The following DPY19L3 variants were observed in gnomAD, a reference collection of about 807,000 sequenced individuals.
DPY19L3 encodes protein C-mannosyl-transferase DPY19L3.
Under a neutral mutation model 92.3 loss-of-function variants are expected in DPY19L3, and 51 were observed. The observed-to-expected ratio is 0.55, with a 90% confidence interval of 0.44 to 0.70. The LOEUF is 0.70. Ranked by LOEUF, DPY19L3 falls within the 30% of genes least tolerant of loss-of-function variation. DPY19L3 has a pLI of 0.00. For synonymous variants in DPY19L3, 309 were observed against 315.2 expected, an observed-to-expected ratio of 0.98 and a Z score of 0.21; for missense variants, 706 against 855.9, an observed-to-expected ratio of 0.82 and a Z score of 2.18.
At position 32,446,142 on chromosome 19, in the gene DPY19L3, A is replaced by G. The variant is rs1568342697; in HGVS notation, c.855+6232A>G. 2.0e-5 allele frequency among the ~76,000 whole-genome samples: 3 copies of G among 152,340 alleles called. No homozygotes were observed. In the South Asian group the frequency reaches 6.2e-4, roughly 32 times the overall value. On this transcript the variant is annotated intron_variant, in intron 8 of 18. Transcript: ENST00000392250. ...AATGGAGGTTAGGGTTCTATGCCTC[A>G]CTCAAACAGTTAAAATGTCTATACC... is the stretch of plus-strand genomic sequence containing the variant.
intron 10 of DPY19L3, among the ~76,000 whole-genome samples, chr19:32,455,780 C>T (rs1311579028): frequency 1.3e-5 from 2 of 152,160 alleles, no homozygotes; most frequent in Non-Finnish European, 2.9e-5. Flanking sequence ...GCCCCAGGGG[C>T]TCTGCTTAGT....
Position 32,485,520 on chromosome 19 carries a change from A to G in DPY19L3, c.*3280A>G, listed in dbSNP as rs895000971. ...CAGTTAACTAAAAGTAAAAATGTCT[A>G]TTCTGATTCCATATTGATTTTGTCT... On this transcript the variant is annotated 3_prime_UTR_variant, in exon 19 of 19. Coordinates refer to ENST00000392250, the MANE Select transcript of DPY19L3 (RefSeq NM_001172774.2). 2.0e-5 allele frequency: 3 copies of G among 152,212 alleles called. No homozygotes were observed. In the East Asian group the frequency reaches 5.8e-4, roughly 29 times the overall value. The allele number at this position is 152,212 out of a possible 1,614,324, so 9.4% of individuals were successfully genotyped here. A position where few individuals can be genotyped will look rare whatever the true frequency, so the allele number is the denominator to read the frequency against.
intron 2 of DPY19L3, among the ~76,000 whole-genome samples, chr19:32,409,372 G>A (rs554683602): frequency 5.3e-5 from 8 of 152,138 alleles, no homozygotes; most frequent in Non-Finnish European, 1.2e-4. Context: ...GCCAGTTAAC[G>A]TATTTTTGAA....
rs1970721067 is a variant in DPY19L3 at position 32,483,172 on chromosome 19, G to A, written c.*932G>A. Reference sequence around the variant, plus strand: ...TGCAAAGTCTGAATATTTTTTAAATGTTCTATCTTAACTAGTTCACTAATA... The same window carrying A: ...TGCAAAGTCTGAATATTTTTTAAATATTCTATCTTAACTAGTTCACTAATA... On this transcript the variant is annotated 3_prime_UTR_variant, in exon 19 of 19. Transcript: ENST00000392250. The A allele has an allele frequency of 6.6e-6, 1 of 152,042 alleles. No homozygotes were observed. The highest frequency in any genetic ancestry group is 2.4e-5 in the African/African-American group (1 of 41,386). The allele number at this position is 152,042 out of a possible 1,614,324, so 9.4% of individuals were successfully genotyped here. A position where few individuals can be genotyped will look rare whatever the true frequency, so the allele number is the denominator to read the frequency against.
At position 32,432,757 on chromosome 19, in the gene DPY19L3, G is replaced by T; in HGVS notation, c.279G>T (p.Leu93=). The T allele has an allele frequency of 6.2e-7, 1 of 1,613,934 alleles. No homozygotes were observed. Among genetic ancestry groups the T allele is most frequent in the Non-Finnish European group, 8.5e-7 (1 of 1,179,924 alleles). The change falls in exon 4 of 19, where the codon CTG becomes CTT. Residue 93 remains leucine, a synonymous_variant. Coordinates refer to ENST00000392250, the MANE Select transcript of DPY19L3 (RefSeq NM_001172774.2). ...TCTCATTCAGAACAGAGTGTGGCCT[G>T]TATTACTCCTACTACAAGCAGATGC... The part of the protein sequence containing the change: ...REISFRTECG[L]YYSYYKQMLQ...
intron 2 of DPY19L3, among the ~76,000 whole-genome samples, chr19:32,409,107 A>T (rs1968086531): frequency 6.6e-6 from 1 of 152,216 alleles, no homozygotes; most frequent in African/African-American, 2.4e-5. Context: ...GGAGGTCATG[A>T]CACCTGGCTC....
At chr19:32,440,980 G>C (rs1484883445) in intron 8 of DPY19L3, among the ~76,000 whole-genome samples, 1 of 152,066 alleles carries the variant, frequency 6.6e-6, no homozygotes, top group East Asian at 1.9e-4. Flanking sequence ...CAAGTAGATA[G>C]GACTAAGTTT....
intron 3 of DPY19L3, among the ~76,000 whole-genome samples, chr19:32,415,223 G>A (rs1004678727): frequency 1.3e-5 from 2 of 152,206 alleles, no homozygotes; most frequent in Non-Finnish European, 2.9e-5. Context: ...GAGATAGAGA[G>A]CACTGTGGGA....
At chr19:32,428,822 T>G (rs1300026464) in intron 3 of DPY19L3, among the ~76,000 whole-genome samples, 3 of 28,964 alleles carry the variant, frequency 1.0e-4, no homozygotes, top group Non-Finnish European at 1.0e-4. Flanking sequence ...AGCTGTACAG[T>G]TTTTTTTTTG....
intron 16 of DPY19L3, among the ~76,000 whole-genome samples, chr19:32,476,656 C>T (rs957251288): frequency 6.6e-6 from 1 of 151,978 alleles, no homozygotes; most frequent in Admixed American, 6.6e-5. Context: ...TAGTCCCTGC[C>T]CCTCACACCC....
intron 17 of DPY19L3, among the ~76,000 whole-genome samples, chr19:32,480,058 A>G (rs1970626955): frequency 6.6e-6 from 1 of 152,124 alleles, no homozygotes; most frequent in Non-Finnish European, 1.5e-5. Flanking sequence ...AAAGGTAGAG[A>G]CTGTGTCTTA....
rs755191794 is a variant in DPY19L3 at position 32,480,569 on chromosome 19, G to A, written c.1989+12G>A. On this transcript the variant is annotated intron_variant, in intron 18 of 18. Transcript: ENST00000392250. ...TTGCCAACGGCCACGTGAGCATGCT[G>A]CCTCTCCCTGTGTGGGGGTCTCCTG... 6.2e-7 allele frequency: 1 copy of A among 1,608,814 alleles called. No individual in the cohort carries two copies. The highest frequency in any genetic ancestry group is 1.1e-5 in the South Asian group (1 of 90,264).
rs1241750684 is a variant in DPY19L3, at chr19:32,482,859, G to T, written c.*619G>T. On this transcript the variant is annotated 3_prime_UTR_variant, in exon 19 of 19. Coordinates refer to ENST00000392250, the MANE Select transcript of DPY19L3 (RefSeq NM_001172774.2). The stretch of plus-strand genomic sequence containing the variant: ...GGAGTACTTCAGCAGTATGTGTCAT[G>T]TATTGTGTGTGTCTGTGTGTGTGCA... The T allele has an allele frequency of 3.3e-5, 5 of 152,520 alleles. No homozygotes were observed. Among genetic ancestry groups the T allele is most frequent in the Non-Finnish European group, 1.5e-5 (1 of 68,170 alleles). 9.4% of individuals were successfully genotyped at this position (152,520 alleles called of 1,614,324 possible).
At chr19:32,463,612 T>C in intron 13 of DPY19L3, 124 bp downstream of exon 13, 1 of 1,175,454 alleles carries the variant, frequency 8.5e-7, no homozygotes, top group Non-Finnish European at 1.2e-6. Context: ...ATCATCCTTA[T>C]ATCCTATCTT....
At chr19:32,447,406 A>G (rs958188158) in intron 8 of DPY19L3, among the ~76,000 whole-genome samples, 6 of 152,196 alleles carry the variant, frequency 3.9e-5, no homozygotes, top group Non-Finnish European at 7.3e-5. Flanking sequence ...GAAAACATGA[A>G]TAATAGAATT....
chr19:32,453,909 GT>G (rs1305039274), intron 9 of DPY19L3, among the ~76,000 whole-genome samples: 1 of 151,978 alleles, frequency 6.6e-6, no homozygotes, highest in Non-Finnish European at 1.5e-5. Context: ...TGAGTCATTT[GT>G]TTTTGCTTAA....
intron 18 of DPY19L3, chr19:32,480,871 T>C: frequency 4.3e-6 from 2 of 466,118 alleles, no homozygotes; most frequent in Non-Finnish European, 7.5e-6. Context: ...TTTGCTGCTA[T>C]AAACAAAACC....
chr19:32,468,781 T>G lies in DPY19L3; in HGVS notation c.1665T>G (p.Asp555Glu). Residue 555 changes from aspartate (D) to glutamate (E), a missense_variant, in exon 16 of 19, where the codon GAT becomes GAG. Asp to Glu is a conservative substitution (Grantham distance 45). Coordinates refer to ENST00000392250, the MANE Select transcript of DPY19L3 (RefSeq NM_001172774.2). ...TCTCCGAGTTGAGAGAATTCTATGA[T>G]CCAGATACAGTGGAGCTGATGAACT... is the stretch of plus-strand genomic sequence containing the variant. The part of the protein sequence containing the change: ...DELSELREFY[D>E]PDTVELMNWI... 1.2e-6 allele frequency: 2 copies of G among 1,613,964 alleles called. No homozygotes were observed. The highest frequency in any genetic ancestry group is 1.7e-6 in the Non-Finnish European group (2 of 1,179,916).
chr19:32,459,202 G>A (rs943665758), intron 12 of DPY19L3, among the ~76,000 whole-genome samples: 2 of 152,150 alleles, frequency 1.3e-5, no homozygotes, highest in African/African-American at 2.4e-5. Flanking sequence ...GAGTATGAAG[G>A]CTTTTTAAAA....
Sources: gnomAD v4.1 joint callset for allele counts (sites outside exome capture counted in the v4.1 genomes callset) on GRCh38, gnomAD v4.1.1 for gene constraint, MANE v1.5 for transcripts, NCBI Gene and HGNC (gene_info 2026-07-23, HGNC 2026-07-21) for gene names.